The following SRBD1 variants were observed in gnomAD, a reference collection of about 807,000 sequenced individuals.
SRBD1 encodes the protein S1 RNA-binding domain-containing protein 1.
Under a neutral mutation model 115.3 loss-of-function variants are expected in SRBD1, and 88 were observed. The observed-to-expected ratio is 0.76, with a 90% CI of 0.64 to 0.91. The LOEUF (loss-of-function observed/expected upper bound fraction) is 0.91, where lower values mean the gene tolerates loss of function less well. Ranked by LOEUF, SRBD1 falls within the 40% of genes least tolerant of loss-of-function variation. The pLI is 0.00. For synonymous variants in SRBD1, 509 were observed against 407.7 expected (o/e 1.25, Z -2.99); for missense variants, 1,385 against 1,177.4 (o/e 1.18, Z -2.58).
chr2:45,609,849 T>C (rs952248389), intron 1 of SRBD1, among the ~76,000 whole-genome samples: 2 of 152,232 alleles, frequency 1.3e-5, no homozygotes, highest in Non-Finnish European at 2.9e-5. Flanking sequence ...TGTTTATTGC[T>C]TGCACTGCTG....
At chr2:45,503,846 T>C (rs960862205) in intron 14 of SRBD1, among the ~76,000 whole-genome samples, 1 of 152,176 alleles carries the variant, frequency 6.6e-6, no homozygotes, top group Admixed American at 6.5e-5. Context: ...CTTATATGAA[T>C]GCTATTTCTA....
chr2:45,488,182 C>G (rs962666153), intron 15 of SRBD1, 58 bp downstream of exon 15: 145 of 1,427,962 alleles, frequency 1.0e-4, no homozygotes, highest in Admixed American at 2.7e-4. Flanking sequence ...TAGCATGCCA[C>G]ACATGCTGCC....
chr2:45,411,566 C>T (rs1392974801), intron 19 of SRBD1, among the ~76,000 whole-genome samples: 1 of 151,974 alleles, frequency 6.6e-6, no homozygotes, highest in Non-Finnish European at 1.5e-5. Context: ...AGTAACTGAT[C>T]GGAAGAGGTA....
At chr2:45,505,522 G>T (rs1670771465) in intron 14 of SRBD1, among the ~76,000 whole-genome samples, 1 of 152,120 alleles carries the variant, frequency 6.6e-6, no homozygotes. Context: ...TGTATAATTT[G>T]GTCAAACTGG....
In SRBD1 at chr2:45,599,346, G is replaced by C. The variant is rs1572826144; in HGVS notation, c.648+103C>G. 3 of 1,462,568 alleles carry C rather than the reference G, an allele frequency of 2.1e-6. No individual in the cohort carries two copies. In the East Asian group the frequency reaches 6.9e-5, roughly 34 times the overall value. 90.6% of individuals were successfully genotyped at this position (1,462,568 alleles called of 1,614,324 possible). On this transcript the variant is annotated intron_variant, in intron 4 of 20. Coordinates refer to ENST00000263736, the MANE Select transcript of SRBD1 (RefSeq NM_018079.5). ...GAAATCACTGGCAAAACTGAAGAGA[G>C]AATTGAAAACCCCCAGCCCTTCCCT...
Position 45,574,615 on chromosome 2 carries a change from A to T in SRBD1, c.1169+12T>A. The T allele has an allele frequency of 1.9e-6, 3 of 1,599,906 alleles. No homozygotes were observed. The highest frequency in any genetic ancestry group is 2.6e-6 in the Non-Finnish European group (3 of 1,168,156). Reference sequence around the variant, plus strand: ...TCCATAAAGCAGAAAACTCCATAAAAGAGATACTCACAAGTTCCGAATGAA... The same window carrying T: ...TCCATAAAGCAGAAAACTCCATAAATGAGATACTCACAAGTTCCGAATGAA... On this transcript the variant is annotated intron_variant, in intron 8 of 20. Coordinates refer to ENST00000263736, the MANE Select transcript of SRBD1 (RefSeq NM_018079.5).
At chr2:45,508,248 G>C (rs1670856523) in intron 14 of SRBD1, among the ~76,000 whole-genome samples, 2 of 152,002 alleles carry the variant, frequency 1.3e-5, no homozygotes, top group South Asian at 2.1e-4. Flanking sequence ...AGTTACAGCT[G>C]TCACTTAATA....
chr2:45,600,802 A>G (rs1338863510), intron 3 of SRBD1, among the ~76,000 whole-genome samples: 2 of 152,192 alleles, frequency 1.3e-5, no homozygotes, highest in African/African-American at 4.8e-5. Context: ...TGGCACAAAC[A>G]TGAACAATTC....
At chr2:45,390,214 G>A (rs571429049) in intron 20 of SRBD1, among the ~76,000 whole-genome samples, 1 of 152,256 alleles carries the variant, frequency 6.6e-6, no homozygotes, top group East Asian at 1.9e-4. Context: ...AGACCAGGTA[G>A]TATCTAATAT....
At chr2:45,501,741 T>G (rs4516484) in intron 14 of SRBD1, among the ~76,000 whole-genome samples, 6,416 of 151,990 alleles carry the variant, frequency 0.042, 255 homozygotes, top group East Asian at 0.15. Flanking sequence ...AAGGCTGGGG[T>G]AGGGGCACCT....
At chr2:45,491,665 A>C (rs539013560) in intron 14 of SRBD1, among the ~76,000 whole-genome samples, 1 of 152,262 alleles carries the variant, frequency 6.6e-6, no homozygotes, top group South Asian at 2.1e-4. Context: ...TGATAATTTA[A>C]GATATTTTAT....
chr2:45,461,921 G>A (rs963502429), intron 16 of SRBD1, among the ~76,000 whole-genome samples: 1 of 152,124 alleles, frequency 6.6e-6, no homozygotes, highest in Non-Finnish European at 1.5e-5. Context: ...GCCCTAACGT[G>A]TCGATCCTCC....
At chr2:45,417,021 G>A (rs895816110) in intron 18 of SRBD1, among the ~76,000 whole-genome samples, 2 of 152,258 alleles carry the variant, frequency 1.3e-5, no homozygotes, top group Non-Finnish European at 2.9e-5. Flanking sequence ...TCAGGTGAAC[G>A]ACGGCTCCTG....
chr2:45,598,148 G>A (rs990993417), intron 4 of SRBD1, among the ~76,000 whole-genome samples: 2 of 152,166 alleles, frequency 1.3e-5, no homozygotes, highest in Non-Finnish European at 2.9e-5. Context: ...TTAAAACACT[G>A]CCTTCTAGGT....
chr2:45,574,912 A>T (rs916701833), intron 7 of SRBD1, among the ~76,000 whole-genome samples, 189 bp from the exon 8 acceptor site: 1 of 152,176 alleles, frequency 6.6e-6, no homozygotes, highest in African/African-American at 2.4e-5. Flanking sequence ...AAAAGCAATA[A>T]TACAGACATA....
chr2:45,542,035 G>A (rs1055989807), intron 14 of SRBD1, among the ~76,000 whole-genome samples: 15 of 152,330 alleles, frequency 9.8e-5, no homozygotes, highest in African/African-American at 3.4e-4. Context: ...TTGCTGCACA[G>A]GAATGTCTGC....
At chr2:45,506,231 T>C (rs1017029381) in intron 14 of SRBD1, among the ~76,000 whole-genome samples, 3 of 152,156 alleles carry the variant, frequency 2.0e-5, no homozygotes, top group African/African-American at 7.2e-5. Flanking sequence ...AATCCATCCA[T>C]GGAAAAAGCA....
At chr2:45,432,026 T>TTTATTTAC (rs1668354465) in intron 16 of SRBD1, among the ~76,000 whole-genome samples, 1 of 150,980 alleles carries the variant, frequency 6.6e-6, no homozygotes, top group African/African-American at 2.4e-5. Flanking sequence ...TATTTATTTA[T>TTTATTTAC]TTATTTATTT....
intron 18 of SRBD1, among the ~76,000 whole-genome samples, chr2:45,416,973 T>C (rs538002040): frequency 1.1e-4 from 16 of 152,176 alleles, no homozygotes; most frequent in Non-Finnish European, 2.2e-4. Context: ...GAGACGGGGT[T>C]TCACCATGTT....
Sources: gnomAD v4.1 joint callset for allele counts (sites outside exome capture counted in the v4.1 genomes callset) on GRCh38, gnomAD v4.1.1 for gene constraint, MANE v1.5 for transcripts, NCBI Gene and HGNC (gene_info 2026-07-23, HGNC 2026-07-21) for gene names.